The following PASK variants were observed in gnomAD, a reference collection of about 807,000 sequenced individuals.
PASK encodes the protein PAS domain-containing serine/threonine-protein kinase.
Under a neutral mutation model 121.0 loss-of-function variants are expected in PASK, and 110 were observed. The observed-to-expected ratio is 0.91, with a 90% confidence interval of 0.78 to 1.06. The LOEUF (loss-of-function observed/expected upper bound fraction) is 1.06. PASK is among the 50% of genes least tolerant of loss of function. The probability of loss-of-function intolerance (pLI) is 0.00; values close to 1 mark genes in which losing one functional copy is unlikely to be tolerated. For synonymous variants in PASK, 686 were observed against 717.8 expected, an observed-to-expected ratio of 0.96 and a Z score of 0.71; for missense variants, 1,643 against 1,702.3, an observed-to-expected ratio of 0.97 and a Z score of 0.61.
At position 241,106,635 on chromosome 2, in the gene PASK, G is replaced by C; in HGVS notation, c.3903C>G (p.Pro1301=). The C allele has an allele frequency of 6.2e-7, 1 of 1,614,154 alleles. No individual in the cohort carries two copies. Among genetic ancestry groups the C allele is most frequent in the Non-Finnish European group, 8.5e-7 (1 of 1,180,018 alleles). Residue 1301 remains proline, a synonymous_variant, in exon 18 of 18, where the codon CCC becomes CCG. Coordinates refer to ENST00000234040, the MANE Select transcript of PASK (RefSeq NM_015148.4). ...GGCCATTAGGAGCCTCGCCTGGAAC[G>C]GGGCCCCCACAAAGCTCCTGAGCCT... ...VAQAQELCGG[P]VPGEAPNGQG... is the part of the protein sequence containing the mutation.
At position 241,126,879 on chromosome 2, in the gene PASK, T is replaced by TG. The variant is rs1477677360; in HGVS notation, c.2035dup (p.His679ProfsTer57). 6.2e-7 allele frequency: 1 copy of TG among 1,613,102 alleles called. No homozygotes were observed. The highest frequency in any genetic ancestry group is 1.7e-5 in the Admixed American group (1 of 60,004). ...GCACTCTGTCGGAACGAGTTCGGCG[T>TG]GGGGGACATCCAGGGCTCCTGCAAG... On this transcript the variant is annotated frameshift_variant, in exon 10 of 18. Transcript: ENST00000234040. LOFTEE classifies it high-confidence loss of function.
intron 1 of PASK, 103 bp from the exon 2 acceptor site, chr2:241,143,177 A>G (rs1559402608): frequency 2.0e-5 from 14 of 708,536 alleles, no homozygotes; most frequent in Non-Finnish European, 2.5e-5. Context: ...CCCAAAAGAC[A>G]TACACCACCA....
chr2:241,137,281 T>C lies in PASK; in HGVS notation c.877-17A>G, dbSNP rs2066479726. The C allele has an allele frequency of 6.2e-7, 1 of 1,611,828 alleles. No individual in the cohort carries two copies. ...CTTGAGATTCTGAAAGAAAGGCTTG[T>C]CGTTTGGCTTAAGCCGTGTTTCACG... is the stretch of plus-strand genomic sequence containing the variant. On this transcript the variant is annotated splice_polypyrimidine_tract_variant and intron_variant, in intron 6 of 17. Transcript: ENST00000234040.
chr2:241,115,074 T>G lies in PASK; in HGVS notation c.3302A>C (p.Asp1101Ala). 1.2e-6 allele frequency: 2 copies of G among 1,614,124 alleles called. No homozygotes were observed. Among genetic ancestry groups the G allele is most frequent in the Non-Finnish European group, 8.5e-7 (1 of 1,179,992 alleles). The change falls in exon 14 of 18, where the codon GAT (aspartate) becomes GCT (alanine). Residue 1101 changes from aspartate (D) to alanine (A), a missense_variant. Physicochemically the swap from Asp to Ala is moderately radical, Grantham distance 126 (BLOSUM62 -2). Around this residue, in one of 3 missense-constraint regions of PASK, gnomAD observed 453 missense variants for 511.2 expected, o/e 0.89. Coordinates refer to ENST00000234040, the MANE Select transcript of PASK (RefSeq NM_015148.4). ...FAFIDRHPRL[D>A]EPLASYIFRQ... Reference sequence around the variant, plus strand: ...GAAGATGTAGCTCGCCAGGGGCTCATCCAGCCTGGGGTGGCGGTCGATGAA... The same window carrying G: ...GAAGATGTAGCTCGCCAGGGGCTCAGCCAGCCTGGGGTGGCGGTCGATGAA...
intron 3 of PASK, 143 bp from the exon 4 acceptor site, chr2:241,140,198 TGGCGCAATCAGAGCTCACTGCAGC>T (rs202027540): frequency 0.1 from 73,144 of 729,392 alleles, 6,566 homozygotes; most frequent in East Asian, 0.29. Context: ...TGGAGTGCAG[TGGCGCAATCAGAGCTCACTGCAGC>T]GGCGCAATCA....
At chr2:241,148,324 T>C (rs1043103756) in intron 1 of PASK, among the ~76,000 whole-genome samples, 1 of 151,998 alleles carries the variant, frequency 6.6e-6, no homozygotes. Flanking sequence ...CACCAGAACA[T>C]AAGCTAAGAA....
chr2:241,115,286 A>G lies in PASK; in HGVS notation c.3198+2T>C. 6.2e-7 allele frequency: 1 copy of G among 1,613,988 alleles called. No homozygotes were observed. Among genetic ancestry groups the G allele is most frequent in the Non-Finnish European group, 8.5e-7 (1 of 1,179,922 alleles). On this transcript the variant is annotated splice_donor_variant, in intron 13 of 17. Transcript: ENST00000234040. LOFTEE classifies it high-confidence loss of function. ...GGGTATCTCTGAAGAGGAAACCATC[A>G]CCTTGATGATATTGGCGTGCTCCAC... is the stretch of plus-strand genomic sequence containing the variant.
In PASK at chr2:241,112,220, C is replaced by T. The variant is rs768035362; in HGVS notation, c.3533+20G>A. ...TGACAGAGGACACGAGGACGGGCCG[C>T]ACCGCAGCCGCATACGTACGGATTC... On this transcript the variant is annotated intron_variant, in intron 15 of 17. Transcript: ENST00000234040. This position sits in a 1 kb window ranked among gnomAD's most constrained non-coding sequence, Gnocchi z 5.2. The T allele has an allele frequency of 1.9e-6, 3 of 1,597,090 alleles. No homozygotes were observed. The highest frequency in any genetic ancestry group is 2.6e-6 in the Non-Finnish European group (3 of 1,164,620).
chr2:241,126,185 C>T lies in PASK; in HGVS notation c.2719+11G>A. On this transcript the variant is annotated intron_variant, in intron 10 of 17. Coordinates refer to ENST00000234040, the MANE Select transcript of PASK (RefSeq NM_015148.4). ...AGCACCACACTTCTTCCTATGGGGC[C>T]CGGGACATACTCAGCCGTAAGCCAT... 1 of 1,613,546 alleles carries T rather than the reference C, an allele frequency of 6.2e-7. No individual in the cohort carries two copies.
Position 241,126,435 on chromosome 2 carries a change from T to C in PASK, c.2480A>G (p.Glu827Gly). Residue 827 changes from glutamate (E) to glycine (G), a missense_variant, in exon 10 of 18, where the codon GAG becomes GGG. By Grantham distance (98) the Glu-to-Gly change is moderately conservative (BLOSUM62 -2). Transcript: ENST00000234040. Reference sequence around the variant, plus strand: ...ATGCTCAGAGGACACCAAACAAACCTCAAGCGGTTCTGTTGGATCATGTCC... The same window carrying C: ...ATGCTCAGAGGACACCAAACAAACCCCAAGCGGTTCTGTTGGATCATGTCC... ...CVGHDPTEPL[E>G]VCLVSSEHYA... 1.2e-6 allele frequency: 2 copies of C among 1,614,142 alleles called. No homozygotes were observed. The highest frequency in any genetic ancestry group is 1.1e-5 in the South Asian group (1 of 91,084).
chr2:241,118,428 A>AC (rs759688077), intron 12 of PASK, among the ~76,000 whole-genome samples: 20 of 152,194 alleles, frequency 1.3e-4, no homozygotes, highest in Non-Finnish European at 2.8e-4. Context: ...GCCAAAAACC[A>AC]CTCAATGGGG....
At chr2:241,111,592 G>A (rs1290269160) in intron 15 of PASK, among the ~76,000 whole-genome samples, 3 of 152,080 alleles carry the variant, frequency 2.0e-5, no homozygotes, top group African/African-American at 4.8e-5. Context: ...CTTCCTTTCC[G>A]TTTTGCTTTC....
intron 2 of PASK, among the ~76,000 whole-genome samples, chr2:241,141,514 C>CCA (rs1396387176): frequency 6.6e-6 from 1 of 152,154 alleles, no homozygotes; most frequent in African/African-American, 2.4e-5. Flanking sequence ...TCCTCCCACA[C>CCA]CACCCTCCTC....
intron 5 of PASK, 55 bp from the exon 6 acceptor site, chr2:241,138,142 T>C: frequency 6.3e-7 from 1 of 1,595,924 alleles, no homozygotes; most frequent in South Asian, 1.1e-5. Flanking sequence ...CAGCTGTAAA[T>C]TTAACTAAGC....
intron 2 of PASK, among the ~76,000 whole-genome samples, chr2:241,141,629 C>T (rs964638873): frequency 3.3e-5 from 5 of 152,100 alleles, no homozygotes; most frequent in African/African-American, 9.7e-5. Flanking sequence ...ACTGAAGACT[C>T]TCACACTCGC....
rs1161562323 is a variant in PASK at position 241,115,273 on chromosome 2, A to C, written c.3198+15T>G. The C allele has an allele frequency of 1.2e-6, 2 of 1,613,906 alleles. No homozygotes were observed. The highest frequency in any genetic ancestry group is 4.5e-5 in the East Asian group (2 of 44,908). On this transcript the variant is annotated intron_variant, in intron 13 of 17. Coordinates refer to ENST00000234040, the MANE Select transcript of PASK (RefSeq NM_015148.4). The stretch of plus-strand genomic sequence containing the variant: ...ATGAGCCAAGTTAGGGTATCTCTGA[A>C]GAGGAAACCATCACCTTGATGATAT...
At chr2:241,130,668 G>A (rs2066085044) in intron 9 of PASK, among the ~76,000 whole-genome samples, 1 of 152,124 alleles carries the variant, frequency 6.6e-6, no homozygotes, top group African/African-American at 2.4e-5. Flanking sequence ...AGAGCAAATA[G>A]AGCCAACAGC....
chr2:241,108,104 A>G lies in PASK; in HGVS notation c.3667+63T>C, dbSNP rs59710610. 25,683 of 1,540,776 alleles carry G rather than the reference A, an allele frequency of 0.017. 285 individuals carry two copies. Among genetic ancestry groups the G allele is most frequent in the Non-Finnish European group, 0.018 (20,254 of 1,113,816 alleles). On this transcript the variant is annotated intron_variant, in intron 16 of 17. Coordinates refer to ENST00000234040, the MANE Select transcript of PASK (RefSeq NM_015148.4). This position sits in a 1 kb window ranked among gnomAD's most constrained non-coding sequence, Gnocchi z 5.2. ...ATACACTGAGGAATGAGGAAATGGG[A>G]AAAAAAAGTGGCTGGTCTCTAAGGA...
chr2:241,150,181 T>G, upstream of PASK: 1 of 1,271,144 alleles, frequency 7.9e-7, no homozygotes, highest in Non-Finnish European at 9.9e-7. Context: ...CTCTCCACTC[T>G]GCCTAGACGT....
Sources: allele counts gnomAD v4.1 joint callset (sites outside exome capture counted in the v4.1 genomes callset), GRCh38; gene constraint gnomAD v4.1.1; regional missense constraint gnomAD v4.1.1; non-coding constraint Gnocchi (gnomAD v3.1); transcripts MANE v1.5; gene names NCBI Gene and HGNC (gene_info 2026-07-23, HGNC 2026-07-21).